KCNQ4: variants seen among roughly 807,000 people sequenced by gnomAD.
KCNQ4 encodes the protein potassium voltage-gated channel subfamily KQT member 4.
Under a neutral mutation model 72.6 loss-of-function variants are expected in KCNQ4, and 31 were observed. The ratio of observed to expected loss-of-function variants is 0.43; its 90% CI spans 0.32 to 0.58. The LOEUF is 0.58. Ranked by LOEUF, KCNQ4 falls within the 20% of genes least tolerant of loss-of-function variation. The pLI, the probability that KCNQ4 is intolerant of heterozygous loss-of-function variation, is 0.08. For synonymous variants in KCNQ4, 405 were observed against 403.7 expected, an observed-to-expected ratio of 1.00 and a Z score of -0.04; for missense variants, 869 against 962.6, an observed-to-expected ratio of 0.90 and a Z score of 1.29.
At chr1:40,815,775 G>T (rs1648068664) in intron 1 of KCNQ4, among the ~76,000 whole-genome samples, 1 of 152,156 alleles carries the variant, frequency 6.6e-6, no homozygotes, top group African/African-American at 2.4e-5. Flanking sequence ...CACGCCCTTT[G>T]CATGTCTTCC....
At chr1:40,820,045 T>A (rs1161102298) in intron 6 of KCNQ4, 60 bp downstream of exon 6, 1 of 1,537,800 alleles carries the variant, frequency 6.5e-7, no homozygotes, top group Non-Finnish European at 9.0e-7. Context: ...CTCACCCCTG[T>A]CACACATTTG....
At chr1:40,804,427 AT>A (rs991557313) in intron 1 of KCNQ4, among the ~76,000 whole-genome samples, 31 of 152,304 alleles carry the variant, frequency 2.0e-4, no homozygotes, top group African/African-American at 6.7e-4. Context: ...TTCCCCATCT[AT>A]AAATGAGAAG....
Position 40,838,463 on chromosome 1 carries a change from C to T in KCNQ4, c.2028C>T (p.Asp676=), listed in dbSNP as rs552843990. The change falls in exon 14 of 14, where the codon GAC becomes GAT. Residue 676 remains aspartate, a synonymous_variant. Coordinates refer to ENST00000347132, the MANE Select transcript of KCNQ4 (RefSeq NM_004700.4). ...ACCACAGCCCTGTGGACCACGAGGA[C>T]ATCTCCGTCTCCGCACAGACGCTCA... is the stretch of plus-strand genomic sequence containing the variant. ...SDYHSPVDHE[D]ISVSAQTLSI... 61 of 1,614,164 alleles carry T rather than the reference C, an allele frequency of 3.8e-5. No homozygotes were observed. In the Admixed American group the frequency reaches 7.7e-4, roughly 20 times the overall value.
At chr1:40,829,379 G>A (rs980127243) in intron 9 of KCNQ4, among the ~76,000 whole-genome samples, 4 of 152,166 alleles carry the variant, frequency 2.6e-5, no homozygotes, top group Admixed American at 1.3e-4. Context: ...TGGAGAGCAT[G>A]CTGGATAGTG....
Position 40,798,707 on chromosome 1 carries a change from C to T in KCNQ4, c.314+14300C>T, listed in dbSNP as rs1290474484. Among the ~76,000 whole-genome samples, 5 of 152,172 alleles carry T rather than the reference C, an allele frequency of 3.3e-5. 1 individual carries two copies. The South Asian group carries it at 6.2e-4, about 19-fold the overall frequency. On this transcript the variant is annotated intron_variant, in intron 1 of 13. Coordinates refer to ENST00000347132, the MANE Select transcript of KCNQ4 (RefSeq NM_004700.4). ...AAATCAGTTGGTGTCTCAACGAGACCCATCGTCAGCTGGGCAGGGTGTGTG... is the reference window on the plus strand; with the variant it reads ...AAATCAGTTGGTGTCTCAACGAGACTCATCGTCAGCTGGGCAGGGTGTGTG...
intron 9 of KCNQ4, among the ~76,000 whole-genome samples, chr1:40,828,413 A>G (rs937596811): frequency 6.6e-6 from 1 of 152,164 alleles, no homozygotes; most frequent in Non-Finnish European, 1.5e-5. Context: ...GCCTCTACCT[A>G]CTAGATGTCT....
intron 1 of KCNQ4, among the ~76,000 whole-genome samples, chr1:40,806,849 C>A (rs1044904339): frequency 1.3e-5 from 2 of 152,172 alleles, no homozygotes; most frequent in African/African-American, 4.8e-5. Flanking sequence ...TCCATTCCTG[C>A]GAAAGACAAT....
At chr1:40,827,147 A>G (rs1234484060) in intron 9 of KCNQ4, among the ~76,000 whole-genome samples, 1 of 152,094 alleles carries the variant, frequency 6.6e-6, no homozygotes, top group African/African-American at 2.4e-5. Flanking sequence ...CAGCTCCAGG[A>G]CCCCAGCTCT....
intron 1 of KCNQ4, among the ~76,000 whole-genome samples, chr1:40,801,181 A>T (rs1470463964): frequency 9.8e-6 from 1 of 102,106 alleles, no homozygotes; most frequent in Non-Finnish European, 2.0e-5. Context: ...GCTGGGGGGA[A>T]GGGGAATGGG....
intron 8 of KCNQ4, among the ~76,000 whole-genome samples, chr1:40,823,480 C>T (rs1206657718): frequency 2.0e-5 from 3 of 152,148 alleles, no homozygotes; most frequent in Admixed American, 6.5e-5. Context: ...GGAACAGAGC[C>T]TAGTCTGGAG....
At chr1:40,818,095 G>A in intron 2 of KCNQ4, 69 bp from the exon 3 acceptor site, 1 of 1,608,748 alleles carries the variant, frequency 6.2e-7, no homozygotes, top group East Asian at 2.2e-5. Context: ...CTCTTGGCTG[G>A]GTCCGCGCTG....
Position 40,820,385 on chromosome 1 carries a change from T to C in KCNQ4, c.1041+125T>C, listed in dbSNP as rs1486414032. The stretch of plus-strand genomic sequence containing the variant: ...ACCACTTTGAAGCTCAAAAGGGCTA[T>C]GTGACTTTCCTGGAGCCACATGCCA... On this transcript the variant is annotated intron_variant, in intron 7 of 13. Transcript: ENST00000347132. The C allele has an allele frequency of 7.1e-6, 6 of 841,102 alleles. No homozygotes were observed. In the African/African-American group the frequency reaches 8.4e-5, roughly 12 times the overall value. 52.1% of individuals were successfully genotyped at this position (841,102 alleles called of 1,614,324 possible).
chr1:40,822,063 T>G (rs529435559), intron 7 of KCNQ4, among the ~76,000 whole-genome samples: 153 of 152,320 alleles, frequency 1.0e-3, no homozygotes, highest in Non-Finnish European at 2.0e-3. Flanking sequence ...ACAACAAAAC[T>G]CCAGCTCTTA....
chr1:40,829,955 T>C (rs1162591314), intron 9 of KCNQ4, among the ~76,000 whole-genome samples: 4 of 152,348 alleles, frequency 2.6e-5, no homozygotes, highest in Admixed American at 6.5e-5. Flanking sequence ...AACCAGGGCT[T>C]GTCCTGGGGA....
chr1:40,824,761 C>A (rs376328676), intron 9 of KCNQ4, among the ~76,000 whole-genome samples: 2 of 152,174 alleles, frequency 1.3e-5, no homozygotes, highest in East Asian at 1.9e-4. Context: ...GAGATGCCAG[C>A]TGGAAAGAGA....
chr1:40,820,067 T>C (rs1648241511), intron 6 of KCNQ4, 82 bp downstream of exon 6: 1 of 1,528,462 alleles, frequency 6.5e-7, no homozygotes, highest in South Asian at 1.1e-5. Flanking sequence ...CTGGGGAGCC[T>C]GGGGTACCTC....
At chr1:40,808,876 G>A (rs530611654) in intron 1 of KCNQ4, among the ~76,000 whole-genome samples, 2 of 152,290 alleles carry the variant, frequency 1.3e-5, no homozygotes, top group South Asian at 2.1e-4. Flanking sequence ...CTCCAGCTAC[G>A]ATCTCTGATC....
Position 40,818,590 on chromosome 1 carries a change from G to A in KCNQ4, c.618G>A (p.Met206Ile). The A allele has an allele frequency of 6.2e-7, 1 of 1,606,384 alleles. No individual in the cohort carries two copies. The highest frequency in any genetic ancestry group is 8.5e-7 in the Non-Finnish European group (1 of 1,179,814). Residue 206 changes from methionine (M) to isoleucine (I), a missense_variant, in exon 4 of 14, where the codon ATG becomes ATA. By Grantham distance (10) the Met-to-Ile change is conservative. Transcript: ENST00000347132. ...TCGCCACGTCCGCGCTGCGCAGCATGCGCTTCCTGCAGATCCTGCGCATGG... is the reference window on the plus strand; with the variant it reads ...TCGCCACGTCCGCGCTGCGCAGCATACGCTTCCTGCAGATCCTGCGCATGG... Reference protein sequence around the residue: ...NIFATSALRSMRFLQILRMVR... With the variant: ...NIFATSALRSIRFLQILRMVR...
intron 1 of KCNQ4, among the ~76,000 whole-genome samples, chr1:40,785,450 G>A (rs952839986): frequency 1.3e-5 from 2 of 152,108 alleles, no homozygotes; most frequent in Admixed American, 1.3e-4. Flanking sequence ...GCCCTTTGGC[G>A]CTGGGGTCTC....
Sources: allele counts gnomAD v4.1 joint callset (sites outside exome capture counted in the v4.1 genomes callset), GRCh38; gene constraint gnomAD v4.1.1; transcripts MANE v1.5; gene names NCBI Gene and HGNC (gene_info 2026-07-23, HGNC 2026-07-21).